INTS15: variants seen among roughly 807,000 people sequenced by gnomAD.
The protein encoded by INTS15 is uncharacterized protein C7orf26.
the INTS15 span, among the ~76,000 whole-genome samples, chr7:6,598,245 G>C: frequency 2.6e-5 from 4 of 152,084 alleles, no homozygotes; most frequent in Admixed American, 1.3e-4. Context: ...CGAGGTGGGC[G>C]GATCACCTGC....
the INTS15 span, chr7:6,608,678 G>T: frequency 4.0e-6 from 1 of 251,146 alleles, no homozygotes; most frequent in Non-Finnish European, 6.3e-6. Flanking sequence ...TTTATTGGGG[G>T]TGTCTAAATT....
At chr7:6,598,788 T>TGTGTGTGTGTGTGTGTG in the INTS15 span, among the ~76,000 whole-genome samples, 17 of 39,194 alleles carry the variant, frequency 4.3e-4, no homozygotes, top group African/African-American at 1.3e-3. Flanking sequence ...TGTGTGTGTA[T>TGTGTGTGTGTGTGTGTG]TTTTTTTTTT....
the INTS15 span, among the ~76,000 whole-genome samples, chr7:6,605,557 C>G: frequency 6.6e-6 from 1 of 152,202 alleles, no homozygotes; most frequent in African/African-American, 2.4e-5. Context: ...TGGTCCTGCC[C>G]TGGAGACTCT....
chr7:6,591,365 CA>C, the INTS15 span, among the ~76,000 whole-genome samples: 1 of 150,620 alleles, frequency 6.6e-6, no homozygotes, highest in Non-Finnish European at 1.5e-5. Context: ...CTCCCAGGTT[CA>C]AGCGAGATTC....
the INTS15 span, chr7:6,594,368 G>C: frequency 6.5e-7 from 1 of 1,535,292 alleles, no homozygotes; most frequent in South Asian, 1.1e-5. Context: ...GTCACTGTGT[G>C]TGCATAGTTG....
the INTS15 span, among the ~76,000 whole-genome samples, chr7:6,603,998 T>TA: frequency 6.2e-4 from 91 of 146,968 alleles, 1 homozygote; most frequent in East Asian, 1.8e-3. Context: ...CCCTGTCTCT[T>TA]AAAAAAAAAA....
the INTS15 span, among the ~76,000 whole-genome samples, chr7:6,595,756 A>G: frequency 9.2e-5 from 14 of 152,098 alleles, 1 homozygote; most frequent in South Asian, 2.7e-3. Context: ...GTCATAGGTC[A>G]CTGTAGCCTC....
the INTS15 span, among the ~76,000 whole-genome samples, chr7:6,597,050 A>G: frequency 4.6e-5 from 7 of 152,160 alleles, no homozygotes; most frequent in Non-Finnish European, 1.0e-4. Context: ...AAATGCTGGC[A>G]TTACAGGCGT....
At chr7:6,598,523 C>T in the INTS15 span, among the ~76,000 whole-genome samples, 3 of 151,048 alleles carry the variant, frequency 2.0e-5, no homozygotes, top group African/African-American at 4.9e-5. Context: ...CTGTAGCCAT[C>T]GTCTCACTGC....
the INTS15 span, chr7:6,590,565 C>T: frequency 6.4e-6 from 9 of 1,401,138 alleles, no homozygotes; most frequent in Non-Finnish European, 7.4e-6. Flanking sequence ...AAGCCGCGGG[C>T]GCCCCATGTC....
At chr7:6,599,980 C>T in the INTS15 span, 40 of 1,614,190 alleles carry the variant, frequency 2.5e-5, no homozygotes, top group African/African-American at 3.3e-4. Flanking sequence ...TTGGATTGAT[C>T]CGCTGGTGCG....
At chr7:6,600,413 G>T in the INTS15 span, 1 of 1,508,870 alleles carries the variant, frequency 6.6e-7, no homozygotes, top group Non-Finnish European at 8.9e-7. Context: ...CCCTGCAGAA[G>T]GAAGGAGGGG....
At chr7:6,594,121 G>A in the INTS15 span, among the ~76,000 whole-genome samples, 1 of 143,734 alleles carries the variant, frequency 7.0e-6, no homozygotes, top group African/African-American at 2.6e-5. Flanking sequence ...TGATTCTCCT[G>A]CCTCAGCCTT....
At chr7:6,600,678 G>A in the INTS15 span, among the ~76,000 whole-genome samples, 651 of 151,794 alleles carry the variant, frequency 4.3e-3, 5 homozygotes, top group African/African-American at 0.015. Flanking sequence ...TATTTATTGC[G>A]ACGGAGTCTC....
At chr7:6,590,593 C>T in the INTS15 span, 5 of 1,392,118 alleles carry the variant, frequency 3.6e-6, no homozygotes, top group African/African-American at 7.6e-5. Context: ...CCCGCGCTCG[C>T]GCTCGGCCTC....
At chr7:6,595,261 G>A in the INTS15 span, among the ~76,000 whole-genome samples, 1 of 152,074 alleles carries the variant, frequency 6.6e-6, no homozygotes, top group Non-Finnish European at 1.5e-5. Flanking sequence ...TGAACCCTGA[G>A]CTCAAGCAAT....
At chr7:6,603,519 C>A in the INTS15 span, among the ~76,000 whole-genome samples, 16 of 151,990 alleles carry the variant, frequency 1.1e-4, no homozygotes, top group African/African-American at 3.9e-4. Context: ...TGCACTCCAT[C>A]CTGGGTGACA....
At chr7:6,600,089 A>G in the INTS15 span, 52 of 1,614,108 alleles carry the variant, frequency 3.2e-5, no homozygotes, top group South Asian at 4.4e-5. Context: ...GGGGATGGAC[A>G]GAGACTCCCA....
the INTS15 span, among the ~76,000 whole-genome samples, chr7:6,605,538 G>T: frequency 1.3e-5 from 2 of 152,132 alleles, no homozygotes; most frequent in African/African-American, 4.8e-5. Context: ...CTAATCAGCA[G>T]TCCCCTGCTG....
Sources: gnomAD v4.1 joint callset for allele counts (sites outside exome capture counted in the v4.1 genomes callset) on GRCh38, gnomAD v4.1.1 for gene constraint, MANE v1.5 for transcripts, NCBI Gene and HGNC (gene_info 2026-07-23, HGNC 2026-07-21) for gene names.